Variants in GRB2 observed in about 807,000 individuals in gnomAD.
The protein encoded by GRB2 is growth factor receptor-bound protein 2.
In GRB2, 2 loss-of-function variants were observed where a neutral mutation model predicts 27.4. The ratio of observed to expected loss-of-function variants is 0.07; its 90% CI spans 0.03 to 0.23. The LOEUF (loss-of-function observed/expected upper bound fraction) is 0.23. Ranked by LOEUF, GRB2 falls within the 10% of genes least tolerant of loss-of-function variation. The probability of loss-of-function intolerance (pLI) is 1.00; values close to 1 mark genes in which losing one functional copy is unlikely to be tolerated. For synonymous variants in GRB2, 94 were observed against 99.6 expected (o/e 0.94, Z 0.33); for missense variants, 102 against 282.4 (o/e 0.36, Z 4.58).
At chr17:75,343,225 G>A (rs2078633424) in intron 2 of GRB2, among the ~76,000 whole-genome samples, 1 of 151,950 alleles carries the variant, frequency 6.6e-6, no homozygotes, top group Non-Finnish European at 1.5e-5. Context: ...GCAATGTGAT[G>A]TCTAATTCTG....
intron 2 of GRB2, among the ~76,000 whole-genome samples, chr17:75,393,201 G>A (rs1189494116): frequency 6.6e-6 from 1 of 152,112 alleles, no homozygotes; most frequent in Non-Finnish European, 1.5e-5. Context: ...TCAGGTCTGG[G>A]TCTTTTTAAA....
chr17:75,376,412 T>C (rs2078894336), intron 2 of GRB2, among the ~76,000 whole-genome samples: 1 of 149,238 alleles, frequency 6.7e-6, no homozygotes, highest in South Asian at 2.1e-4. Flanking sequence ...TCCCAGCTAC[T>C]CAGGAGGCTG....
intron 2 of GRB2, among the ~76,000 whole-genome samples, chr17:75,341,261 G>A (rs1236790270): frequency 6.6e-6 from 1 of 151,664 alleles, no homozygotes; most frequent in African/African-American, 2.4e-5. Flanking sequence ...GTGAAACCCT[G>A]TCTCTACTAA....
chr17:75,322,304 C>T (rs139717632), intron 4 of GRB2, among the ~76,000 whole-genome samples: 2,435 of 148,844 alleles, frequency 0.016, 29 homozygotes, highest in Non-Finnish European at 0.025. Flanking sequence ...CCTGGGAGGC[C>T]GAGGTTGTGG....
intron 1 of GRB2, chr17:75,394,958 C>T (rs1271446791): frequency 2.6e-5 from 4 of 152,124 alleles, no homozygotes; most frequent in Admixed American, 2.0e-4. Context: ...AAAATAAAGC[C>T]CCGTTCTGGT....
chr17:75,326,154 T>G (rs1226000886), intron 3 of GRB2, 134 bp from the exon 4 acceptor site: 1 of 1,002,208 alleles, frequency 1.0e-6, no homozygotes, highest in Admixed American at 2.0e-5. Flanking sequence ...AGCCTCACAG[T>G]GCCCAAGATC....
intron 2 of GRB2, chr17:75,373,798 A>ATTTTTT (rs567872973): frequency 2.7e-5 from 2 of 72,870 alleles, no homozygotes; most frequent in African/African-American, 5.3e-5. Flanking sequence ...AGGTACTGGT[A>ATTTTTT]TTTTTTTTTT....
At chr17:75,387,551 C>G (rs994029531) in intron 2 of GRB2, 7 of 151,734 alleles carry the variant, frequency 4.6e-5, no homozygotes, top group African/African-American at 1.7e-4. Flanking sequence ...AATCCCAGCA[C>G]TTTGGGAGGC....
At chr17:75,368,436 G>A (rs2078834432) in intron 2 of GRB2, among the ~76,000 whole-genome samples, 1 of 151,786 alleles carries the variant, frequency 6.6e-6, no homozygotes, top group African/African-American at 2.4e-5. Flanking sequence ...AGCTTGGCCA[G>A]GCTGATCTCA....
chr17:75,371,825 A>C (rs532987328), intron 2 of GRB2: 2 of 152,142 alleles, frequency 1.3e-5, no homozygotes, highest in African/African-American at 4.8e-5. Flanking sequence ...AGAAAGTAAG[A>C]TCACCCAACC....
At chr17:75,332,057 A>C (rs1349652603) in intron 3 of GRB2, among the ~76,000 whole-genome samples, 1 of 152,142 alleles carries the variant, frequency 6.6e-6, no homozygotes, top group Non-Finnish European at 1.5e-5. Flanking sequence ...CTTCTGTGCT[A>C]GGAGCAGGGC....
intron 2 of GRB2, among the ~76,000 whole-genome samples, chr17:75,343,820 G>A (rs916246703): frequency 6.6e-6 from 1 of 152,146 alleles, no homozygotes; most frequent in Non-Finnish European, 1.5e-5. Flanking sequence ...TCAACTGCAC[G>A]AGCAGGGAGA....
chr17:75,357,897 G>A (rs2078744021), intron 2 of GRB2, among the ~76,000 whole-genome samples: 4 of 151,788 alleles, frequency 2.6e-5, no homozygotes, highest in African/African-American at 9.7e-5. Context: ...CTCCTGCCTA[G>A]GCGACACAGT....
At chr17:75,376,313 C>T (rs552690311) in intron 2 of GRB2, among the ~76,000 whole-genome samples, 1 of 140,614 alleles carries the variant, frequency 7.1e-6, no homozygotes, top group African/African-American at 2.5e-5. Context: ...CCACTGCACT[C>T]CAGCCTGGGT....
intron 2 of GRB2, among the ~76,000 whole-genome samples, chr17:75,355,734 C>T (rs1023785185): frequency 2.0e-5 from 3 of 151,818 alleles, no homozygotes; most frequent in Non-Finnish European, 2.9e-5. Context: ...ACAAGTTTGA[C>T]CTAAGTTATT....
intron 2 of GRB2, among the ~76,000 whole-genome samples, chr17:75,389,800 G>A (rs747260389): frequency 5.9e-5 from 9 of 152,176 alleles, no homozygotes; most frequent in East Asian, 3.9e-4. Context: ...AGCCGAGATC[G>A]CGCCACTGCA....
At chr17:75,335,452 G>C (rs2078570785) in intron 2 of GRB2, among the ~76,000 whole-genome samples, 1 of 152,134 alleles carries the variant, frequency 6.6e-6, no homozygotes, top group Non-Finnish European at 1.5e-5. Context: ...TCTAAAGTGA[G>C]TGCTGTCTGT....
At chr17:75,365,629 G>A (rs917757223) in intron 2 of GRB2, among the ~76,000 whole-genome samples, 2 of 150,682 alleles carry the variant, frequency 1.3e-5, no homozygotes, top group African/African-American at 2.4e-5. Flanking sequence ...AAGCGAAAAA[G>A]TTCAAATTAA....
At chr17:75,393,805 T>C (rs1214758105) in intron 1 of GRB2, 40 bp from the exon 2 acceptor site, 9 of 581,002 alleles carry the variant, frequency 1.5e-5, no homozygotes, top group African/African-American at 3.8e-5. Context: ...GTGGCCAGGA[T>C]TGAAGGCAAC....
Sources: gnomAD v4.1 joint callset for allele counts (sites outside exome capture counted in the v4.1 genomes callset) on GRCh38, gnomAD v4.1.1 for gene constraint, MANE v1.5 for transcripts, NCBI Gene and HGNC (gene_info 2026-07-23, HGNC 2026-07-21) for gene names.